The following CNTLN variants were observed in gnomAD, a reference collection of about 807,000 sequenced individuals.
CNTLN encodes centlein, also known as centlein, centrosomal protein.
CNTLN carries 212 observed loss-of-function variants against 180.0 expected under a neutral mutation model. That is an observed-to-expected ratio of 1.18 (90% confidence interval 1.05 to 1.32). CNTLN has a LOEUF of 1.32. Among genes scored for constraint, CNTLN ranks in the 40% most tolerant of loss-of-function variants. The probability of loss-of-function intolerance (pLI) is 0.00; values close to 1 mark genes in which losing one functional copy is unlikely to be tolerated. For synonymous variants in CNTLN, 722 were observed against 563.1 expected (o/e 1.28, Z -3.99); for missense variants, 2,095 against 1,610.9 (o/e 1.30, Z -5.14).
chr9:17,229,248 A>C (rs1824664062), intron 3 of CNTLN, among the ~76,000 whole-genome samples: 3 of 152,180 alleles, frequency 2.0e-5, no homozygotes, highest in South Asian at 4.1e-4. Context: ...CAAAAAATGG[A>C]GTGGGTTTTT....
At chr9:17,473,553 A>G (rs566960992) in intron 23 of CNTLN, among the ~76,000 whole-genome samples, 3 of 151,034 alleles carry the variant, frequency 2.0e-5, no homozygotes, top group East Asian at 3.9e-4. Context: ...TATTCCCTCT[A>G]TATTGGATCA....
chr9:17,173,809 T>C (rs1820554244), intron 2 of CNTLN, among the ~76,000 whole-genome samples: 1 of 152,224 alleles, frequency 6.6e-6, no homozygotes, highest in African/African-American at 2.4e-5. Context: ...TAGATTCACA[T>C]GCAGTTACAG....
Position 17,234,711 on chromosome 9 carries a change from C to G in CNTLN, c.535-947C>G, listed in dbSNP as rs16935415. Among the ~76,000 whole-genome samples, 933 of 152,000 alleles carry G rather than the reference C, an allele frequency of 6.1e-3. 5 individuals carry two copies. Among genetic ancestry groups the G allele is most frequent in the African/African-American group, 0.022 (897 of 41,356 alleles). On this transcript the variant is annotated intron_variant, in intron 3 of 25. Coordinates refer to ENST00000380647, the MANE Select transcript of CNTLN (RefSeq NM_017738.4). The stretch of plus-strand genomic sequence containing the variant: ...AAGGTGTTTCTATCTTGATGTGTCT[C>G]TTTCTTGGTTGACAGACAGAAGGTG...
chr9:17,139,970 T>C (rs1817972208), intron 1 of CNTLN, among the ~76,000 whole-genome samples: 1 of 152,158 alleles, frequency 6.6e-6, no homozygotes, highest in Non-Finnish European at 1.5e-5. Flanking sequence ...CTCAGCCTTA[T>C]AGGGGTGAGC....
chr9:17,290,119 T>G lies in CNTLN; in HGVS notation c.984-8071T>G, dbSNP rs893982133. Among the ~76,000 whole-genome samples, 20 of 152,276 alleles carry G rather than the reference T, an allele frequency of 1.3e-4. 1 individual carries two copies. Among genetic ancestry groups the G allele is most frequent in the African/African-American group, 4.3e-4 (18 of 41,564 alleles). ...AGAGTGTCTAGTTTTTCTGTTCTGT[T>G]TTTTCCCCATCTTTGTGGTTTTATC... On this transcript the variant is annotated intron_variant, in intron 6 of 25. Coordinates refer to ENST00000380647, the MANE Select transcript of CNTLN (RefSeq NM_017738.4).
intron 12 of CNTLN, among the ~76,000 whole-genome samples, chr9:17,348,918 T>C (rs1587730304): frequency 6.6e-6 from 1 of 152,044 alleles, no homozygotes; most frequent in Non-Finnish European, 1.5e-5. Context: ...GTGGGCATGG[T>C]GAGCAGGGTT....
chr9:17,404,091 T>A (rs946210015), intron 15 of CNTLN, among the ~76,000 whole-genome samples: 1 of 151,760 alleles, frequency 6.6e-6, no homozygotes, highest in East Asian at 1.9e-4. Context: ...ACAGAGTTTA[T>A]GGCAAGGGAT....
chr9:17,312,379 TATATAA>T (rs1563985000), intron 8 of CNTLN, among the ~76,000 whole-genome samples: 5 of 103,546 alleles, frequency 4.8e-5, no homozygotes, highest in African/African-American at 1.9e-4. Context: ...TATATATATA[TATATAA>T]TTTATTTATT....
chr9:17,454,715 C>G (rs148334320), intron 18 of CNTLN, among the ~76,000 whole-genome samples: 6 of 152,300 alleles, frequency 3.9e-5, no homozygotes, highest in African/African-American at 1.4e-4. Context: ...TCGAGATCAC[C>G]TTTGTTAGGT....
At chr9:17,382,564 C>T (rs1339756587) in intron 13 of CNTLN, among the ~76,000 whole-genome samples, 3 of 152,028 alleles carry the variant, frequency 2.0e-5, no homozygotes, top group African/African-American at 2.4e-5. Flanking sequence ...TCTTTGTGAC[C>T]ATAATTTAAT....
At chr9:17,386,948 G>A (rs979111518) in intron 13 of CNTLN, among the ~76,000 whole-genome samples, 1 of 152,142 alleles carries the variant, frequency 6.6e-6, no homozygotes, top group Non-Finnish European at 1.5e-5. Context: ...ATGGTGTTAG[G>A]GGACTAGAAG....
intron 13 of CNTLN, 53 bp downstream of exon 13, chr9:17,366,770 T>A: frequency 1.0e-6 from 1 of 999,278 alleles, no homozygotes; most frequent in Non-Finnish European, 1.5e-6. Context: ...ATTGTGTAAT[T>A]CTTGATGTTT....
chr9:17,265,443 C>T (rs2132421382), intron 5 of CNTLN, among the ~76,000 whole-genome samples: 1 of 152,222 alleles, frequency 6.6e-6, no homozygotes, highest in Non-Finnish European at 1.5e-5. Context: ...TTCGGTTTGC[C>T]AGTATTTTAT....
chr9:17,267,714 A>G (rs942608293), intron 5 of CNTLN, among the ~76,000 whole-genome samples: 1 of 152,168 alleles, frequency 6.6e-6, no homozygotes, highest in African/African-American at 2.4e-5. Flanking sequence ...ATAGTCCCAT[A>G]TTTCTTGGAG....
intron 18 of CNTLN, among the ~76,000 whole-genome samples, chr9:17,428,009 A>G (rs1433557460): frequency 6.6e-6 from 1 of 152,212 alleles, no homozygotes; most frequent in Admixed American, 6.5e-5. Context: ...TAACCATGCA[A>G]CAGAATAAGT....
intron 2 of CNTLN, among the ~76,000 whole-genome samples, chr9:17,215,161 G>GT (rs927745199): frequency 4.6e-5 from 7 of 152,196 alleles, no homozygotes; most frequent in African/African-American, 1.4e-4. Context: ...TTTCTGCTCT[G>GT]TTTTTTCCCC....
rs1833816879 is a variant in CNTLN, at chr9:17,502,699, G to A, written c.*47G>A. 1.4e-6 allele frequency: 1 copy of A among 713,260 alleles called. No individual in the cohort carries two copies. Among genetic ancestry groups the A allele is most frequent in the Non-Finnish European group, 2.2e-6 (1 of 447,040 alleles). The allele number at this position is 713,260 out of a possible 1,614,324, so 44.2% of individuals were successfully genotyped here. A position where few individuals can be genotyped will look rare whatever the true frequency, so the allele number is the denominator to read the frequency against. On this transcript the variant is annotated 3_prime_UTR_variant, in exon 26 of 26. Transcript: ENST00000380647. Reference sequence around the variant, plus strand: ...TGCAAATGTGAAAACTTTTTATGTGGTGTGATTGGAATACATGCATTGCAA... The same window carrying A: ...TGCAAATGTGAAAACTTTTTATGTGATGTGATTGGAATACATGCATTGCAA...
chr9:17,481,118 G>A (rs1021724382), intron 23 of CNTLN, among the ~76,000 whole-genome samples: 4 of 152,084 alleles, frequency 2.6e-5, no homozygotes, highest in Admixed American at 2.6e-4. Context: ...CTACCCAACT[G>A]TGGGGCACAG....
intron 15 of CNTLN, among the ~76,000 whole-genome samples, chr9:17,403,850 A>G (rs1054138371): frequency 1.3e-5 from 2 of 151,800 alleles, no homozygotes; most frequent in Non-Finnish European, 2.9e-5. Flanking sequence ...ATCCTGGCTC[A>G]CTGCAACCTC....
Sources: allele counts gnomAD v4.1 joint callset (sites outside exome capture counted in the v4.1 genomes callset), GRCh38; gene constraint gnomAD v4.1.1; transcripts MANE v1.5; gene names NCBI Gene and HGNC (gene_info 2026-07-23, HGNC 2026-07-21).